SMCO4: variants seen among roughly 807,000 people sequenced by gnomAD.
SMCO4 encodes single-pass membrane and coiled-coil domain-containing protein 4.
Under a neutral mutation model 3.6 loss-of-function variants are expected in SMCO4, and 4 were observed. That is an observed-to-expected ratio of 1.11 (90% CI 0.54 to 2.53). The LOEUF is 2.53. SMCO4 is among the 30% of genes most tolerant of loss of function. SMCO4 has a pLI of 0.02. For missense variants in SMCO4, 70 were observed against 80.8 expected (o/e 0.87, Z 0.51); for synonymous variants, 36 against 35.3 (o/e 1.02, Z -0.07).
At chr11:93,530,650 T>A (rs1949153592) in intron 1 of SMCO4, among the ~76,000 whole-genome samples, 2 of 152,150 alleles carry the variant, frequency 1.3e-5, no homozygotes, top group Admixed American at 6.5e-5. Flanking sequence ...TCTTCTTTAC[T>A]CCCAACCTCT....
At chr11:93,550,696 A>AT in the SMCO4 span, among the ~76,000 whole-genome samples, 1 of 151,732 alleles carries the variant, frequency 6.6e-6, no homozygotes, top group Non-Finnish European at 1.5e-5. Flanking sequence ...TTTTTATTTT[A>AT]TTTTTTCAGG....
intron 1 of SMCO4, among the ~76,000 whole-genome samples, chr11:93,511,021 C>T (rs1948951944): frequency 6.6e-6 from 1 of 152,130 alleles, no homozygotes; most frequent in South Asian, 2.1e-4. Context: ...ATCACTTAAA[C>T]CCAGGAGGCA....
chr11:93,501,664 T>C (rs1443937423), intron 1 of SMCO4, among the ~76,000 whole-genome samples: 1 of 152,200 alleles, frequency 6.6e-6, no homozygotes, highest in African/African-American at 2.4e-5. Flanking sequence ...GATCCTTACT[T>C]AGTCACATCT....
In SMCO4 at chr11:93,479,079, C is replaced by T. The variant is rs3207348; in HGVS notation, c.111G>A (p.Thr37=). ...CGATCAAGAGCACGACCACGGCCAGCGTGGGCAGCACCACTGTAGTGATCT... is the reference window on the plus strand; with the variant it reads ...CGATCAAGAGCACGACCACGGCCAGTGTGGGCAGCACCACTGTAGTGATCT... The part of the protein sequence containing the change: ...RQQITTVVLP[T]LAVVVLLIVV... The change falls in exon 3 of 3, where the codon ACG becomes ACA. Residue 37 remains threonine (T), a synonymous_variant. Coordinates refer to ENST00000298966, the MANE Select transcript of SMCO4 (RefSeq NM_020179.3). 0.15 allele frequency: 245,527 copies of T among 1,613,842 alleles called. 20,133 individuals carry two copies. The highest frequency in any genetic ancestry group is 0.17 in the Non-Finnish European group (198,499 of 1,179,948).
the SMCO4 span, among the ~76,000 whole-genome samples, chr11:93,549,903 C>G: frequency 6.6e-6 from 1 of 152,128 alleles, no homozygotes; most frequent in Non-Finnish European, 1.5e-5. Context: ...GGTAGTAATT[C>G]TTTTAAAGAC....
intron 1 of SMCO4, among the ~76,000 whole-genome samples, chr11:93,528,764 C>G (rs765586223): frequency 6.6e-6 from 1 of 152,148 alleles, no homozygotes; most frequent in Non-Finnish European, 1.5e-5. Flanking sequence ...AGTAACTTAT[C>G]GAAGGCAGCA....
intron 1 of SMCO4, among the ~76,000 whole-genome samples, chr11:93,517,469 C>T (rs1222868948): frequency 6.6e-6 from 1 of 152,122 alleles, no homozygotes; most frequent in Non-Finnish European, 1.5e-5. Context: ...ATGGCAACTT[C>T]TAAAAAGAAA....
At chr11:93,540,403 C>T (rs1288174501) in intron 1 of SMCO4, among the ~76,000 whole-genome samples, 1 of 152,196 alleles carries the variant, frequency 6.6e-6, no homozygotes, top group African/African-American at 2.4e-5. Flanking sequence ...TACACCCAGG[C>T]CTGCCAGACT....
In SMCO4 at chr11:93,543,280, C is replaced by CCGCGGG; in HGVS notation, c.-164_-159dup. ...GCCGCGCCGCTCCCAGCCCACCTGC[C>CCGCGGG]CGCGGGCGCCGCCGCCGCCGCCGCC... On this transcript the variant is annotated 5_prime_UTR_variant, in exon 1 of 3. Transcript: ENST00000298966. The CCGCGGG allele has an allele frequency of 6.8e-6, 1 of 146,956 alleles. No individual in the cohort carries two copies. Among genetic ancestry groups the CCGCGGG allele is most frequent in the East Asian group, 2.0e-4 (1 of 5,014 alleles). The allele number at this position is 146,956 out of a possible 1,614,324, so 9.1% of individuals were successfully genotyped here.
At chr11:93,501,061 C>A (rs1181842161) in intron 1 of SMCO4, among the ~76,000 whole-genome samples, 1 of 152,196 alleles carries the variant, frequency 6.6e-6, no homozygotes, top group Non-Finnish European at 1.5e-5. Flanking sequence ...GTAGCAGAGG[C>A]ACCTGCTGCT....
upstream of SMCO4, among the ~76,000 whole-genome samples, chr11:93,545,053 A>C (rs1397903397): frequency 2.0e-5 from 3 of 152,214 alleles, no homozygotes; most frequent in African/African-American, 7.2e-5. Flanking sequence ...ATATGAAATT[A>C]GCAAGCCTCA....
At chr11:93,500,962 A>G (rs1251949995) in intron 1 of SMCO4, among the ~76,000 whole-genome samples, 2 of 152,184 alleles carry the variant, frequency 1.3e-5, no homozygotes, top group African/African-American at 4.8e-5. Flanking sequence ...TGAACAGGGT[A>G]CAGAACAGCG....
chr11:93,508,839 G>T lies in SMCO4; in HGVS notation c.-153-9491C>A, dbSNP rs1378856. Among the ~76,000 whole-genome samples, 32 of 152,306 alleles carry T rather than the reference G, an allele frequency of 2.1e-4. 1 individual carries two copies. In the East Asian group the frequency reaches 5.2e-3, roughly 25 times the overall value. ...AATCAGCACACACTCCACCACTGGAGGTGGGAAAAGAAGGAGCAGGAAACA... is the reference window on the plus strand; with the variant it reads ...AATCAGCACACACTCCACCACTGGATGTGGGAAAAGAAGGAGCAGGAAACA... On this transcript the variant is annotated intron_variant, in intron 1 of 2. Transcript: ENST00000298966.
rs116467992 is a variant in SMCO4 at position 93,532,296 on chromosome 11, A to G, written c.-154+10980T>C. ...TGACTGAACTAAAAGATATCCAGAT[A>G]GCTAGTAAAGTACTACATCATCTGG... On this transcript the variant is annotated intron_variant, in intron 1 of 2. Transcript: ENST00000298966. 3.6e-3 allele frequency among the ~76,000 whole-genome samples: 556 copies of G among 152,378 alleles called. 2 individuals are homozygous for G. Among genetic ancestry groups the G allele is most frequent in the African/African-American group, 0.013 (531 of 41,586 alleles).
At chr11:93,535,878 T>G in intron 1 of SMCO4, 5 of 1,605,692 alleles carry the variant, frequency 3.1e-6, no homozygotes, top group Non-Finnish European at 4.3e-6. Context: ...TTTTTCCTTT[T>G]GGCCACATAG....
chr11:93,506,625 T>C (rs752379515), intron 1 of SMCO4, among the ~76,000 whole-genome samples: 1 of 152,114 alleles, frequency 6.6e-6, no homozygotes, highest in Non-Finnish European at 1.5e-5. Flanking sequence ...TTTTTTGTAG[T>C]AGAGACGGGG....
chr11:93,484,757 G>A (rs186179314), intron 2 of SMCO4, among the ~76,000 whole-genome samples: 23 of 151,530 alleles, frequency 1.5e-4, no homozygotes, highest in Admixed American at 1.5e-3. Flanking sequence ...TTTTCCCTGA[G>A]GTACCAATTA....
chr11:93,535,545 T>C, intron 1 of SMCO4: 1 of 1,439,648 alleles, frequency 6.9e-7, no homozygotes, highest in Non-Finnish European at 9.7e-7. Flanking sequence ...TCAGGCAGCA[T>C]CATATCACCT....
intron 1 of SMCO4, chr11:93,535,600 A>C: frequency 6.5e-7 from 1 of 1,542,148 alleles, no homozygotes; most frequent in Admixed American, 1.7e-5. Context: ...AAAGAAAGGT[A>C]CTGTGGAGGG....
Sources: allele counts gnomAD v4.1 joint callset (sites outside exome capture counted in the v4.1 genomes callset), GRCh38; gene constraint gnomAD v4.1.1; transcripts MANE v1.5; gene names NCBI Gene and HGNC (gene_info 2026-07-23, HGNC 2026-07-21).